NCAM2: variants seen among roughly 807,000 people sequenced by gnomAD.
NCAM2 encodes N-CAM-2.
In NCAM2, 30 loss-of-function variants were observed where a neutral mutation model predicts 98.1. The ratio of observed to expected loss-of-function variants is 0.31; its 90% confidence interval spans 0.23 to 0.41. NCAM2 has a LOEUF of 0.41. NCAM2 is among the 10% of genes least tolerant of loss of function. The pLI, the probability that NCAM2 is intolerant of heterozygous loss-of-function variation, is 1.00. For missense variants in NCAM2, 867 were observed against 1,005.8 expected (o/e 0.86, Z 1.87); for synonymous variants, 368 against 342.4 (o/e 1.07, Z -0.83).
intron 1 of NCAM2, among the ~76,000 whole-genome samples, chr21:21,150,426 A>G (rs1389691044): frequency 6.6e-6 from 1 of 152,080 alleles, no homozygotes; most frequent in Non-Finnish European, 1.5e-5. Flanking sequence ...TCCTGATTTC[A>G]GGGAGAAAAT....
rs1990088802 is a variant in NCAM2 at position 21,538,215 on chromosome 21, T to C, written c.*258T>C. 4.1e-6 allele frequency: 1 copy of C among 242,868 alleles called. No homozygotes were observed. Among genetic ancestry groups the C allele is most frequent in the South Asian group, 1.7e-4 (1 of 5,922 alleles). The allele number at this position is 242,868 out of a possible 1,614,324, so 15.0% of individuals were successfully genotyped here. A position where few individuals can be genotyped will look rare whatever the true frequency, so the allele number is the denominator to read the frequency against. ...TGGCACCAACACTTTGGTATTCAAT[T>C]TGATTCTATGACTGAAGTACTGGAA... On this transcript the variant is annotated 3_prime_UTR_variant, in exon 18 of 18. Coordinates refer to ENST00000400546, the MANE Select transcript of NCAM2 (RefSeq NM_004540.5).
At chr21:21,155,952 G>A (rs1290890033) in intron 1 of NCAM2, among the ~76,000 whole-genome samples, 1 of 151,946 alleles carries the variant, frequency 6.6e-6, no homozygotes, top group Non-Finnish European at 1.5e-5. Context: ...TTTGGCATGT[G>A]GAACCACTAT....
intron 1 of NCAM2, among the ~76,000 whole-genome samples, chr21:21,092,242 T>C (rs1337442061): frequency 6.6e-6 from 1 of 152,104 alleles, no homozygotes; most frequent in Non-Finnish European, 1.5e-5. Flanking sequence ...TTTTATGTGG[T>C]AGATACAAAA....
At chr21:21,060,442 A>G (rs1324396738) in intron 1 of NCAM2, among the ~76,000 whole-genome samples, 1 of 152,102 alleles carries the variant, frequency 6.6e-6, no homozygotes, top group Non-Finnish European at 1.5e-5. Flanking sequence ...TATTTATCCA[A>G]AGTCTGTGGA....
chr21:21,210,656 T>C, intron 1 of NCAM2: 1 of 1,280,980 alleles, frequency 7.8e-7, no homozygotes, highest in Non-Finnish European at 1.0e-6. Context: ...GCACTTTATC[T>C]TGAAGAAGGG....
At chr21:21,110,086 A>G (rs1695929397) in intron 1 of NCAM2, among the ~76,000 whole-genome samples, 1 of 152,216 alleles carries the variant, frequency 6.6e-6, no homozygotes, top group African/African-American at 2.4e-5. Context: ...ACAAAGAAGG[A>G]AACACTAAAA....
At chr21:21,331,509 C>CTATA (rs748594575) in intron 6 of NCAM2, among the ~76,000 whole-genome samples, 549 of 4,998 alleles carry the variant, frequency 0.11, 136 homozygotes, top group Non-Finnish European at 0.15. Context: ...ACTCTATACT[C>CTATA]TCTCTCTCTA....
chr21:21,085,632 C>T (rs181854797), intron 1 of NCAM2, among the ~76,000 whole-genome samples: 8 of 152,188 alleles, frequency 5.3e-5, no homozygotes, highest in South Asian at 4.2e-4. Flanking sequence ...GAACACTATG[C>T]GCCCTTTCTG....
intron 1 of NCAM2, among the ~76,000 whole-genome samples, chr21:21,022,639 A>G (rs968236153): frequency 2.0e-4 from 30 of 152,182 alleles, no homozygotes; most frequent in Non-Finnish European, 1.5e-5. Context: ...AACATAGGTT[A>G]CTATTTATTA....
At chr21:21,294,168 T>C (rs2073394187) in intron 5 of NCAM2, among the ~76,000 whole-genome samples, 1 of 151,708 alleles carries the variant, frequency 6.6e-6, no homozygotes, top group Admixed American at 6.6e-5. Flanking sequence ...TTCTTTAATA[T>C]ATTTATAGCA....
intron 6 of NCAM2, among the ~76,000 whole-genome samples, chr21:21,334,178 C>T (rs560403220): frequency 1.3e-5 from 2 of 152,200 alleles, no homozygotes; most frequent in Non-Finnish European, 1.5e-5. Context: ...AGTGATCCAC[C>T]GGCCTCTGCC....
intron 1 of NCAM2, among the ~76,000 whole-genome samples, chr21:21,117,670 T>C (rs753331391): frequency 6.6e-6 from 1 of 152,210 alleles, no homozygotes; most frequent in Non-Finnish European, 1.5e-5. Flanking sequence ...GATTCTACTC[T>C]TTCATTATTT....
chr21:21,085,080 C>T (rs763855206), intron 1 of NCAM2, among the ~76,000 whole-genome samples: 4 of 152,040 alleles, frequency 2.6e-5, no homozygotes. Context: ...TTATGAAAAC[C>T]TGAAATTGAA....
chr21:21,228,693 A>C (rs1282365413), intron 1 of NCAM2, among the ~76,000 whole-genome samples: 1 of 151,504 alleles, frequency 6.6e-6, no homozygotes, highest in Non-Finnish European at 1.5e-5. Flanking sequence ...ATGTAGACTA[A>C]AGATAAAACT....
At chr21:21,270,636 G>A (rs1012888509) in intron 1 of NCAM2, among the ~76,000 whole-genome samples, 8 of 152,150 alleles carry the variant, frequency 5.3e-5, no homozygotes, top group South Asian at 2.1e-4. Flanking sequence ...CATACAATGC[G>A]TTTTAGGAAA....
chr21:21,429,531 AT>A, intron 11 of NCAM2, among the ~76,000 whole-genome samples: 1 of 152,266 alleles, frequency 6.6e-6, no homozygotes, highest in South Asian at 2.1e-4. Context: ...AAGAATTGGC[AT>A]TTTTTAAGGG....
rs1402469834 is a variant in NCAM2 at position 21,396,016 on chromosome 21, C to CTTAA, written c.1196-14253_1196-14250dup. Among the ~76,000 whole-genome samples, 3 of 152,076 alleles carry CTTAA rather than the reference C, an allele frequency of 2.0e-5. No individual in the cohort carries two copies. The East Asian group carries it at 5.8e-4, about 29-fold the overall frequency. On this transcript the variant is annotated intron_variant, in intron 9 of 17. Coordinates refer to ENST00000400546, the MANE Select transcript of NCAM2 (RefSeq NM_004540.5). ...CAAAAACAAAGATAAATAGATGGGA[C>CTTAA]TTAATTAAGTTAAAAAATTTCTCTA...
chr21:21,036,533 CT>C (rs1372205943), intron 1 of NCAM2, among the ~76,000 whole-genome samples: 1 of 152,110 alleles, frequency 6.6e-6, no homozygotes, highest in Non-Finnish European at 1.5e-5. Context: ...TATTAATATG[CT>C]TATGGGCACA....
intron 1 of NCAM2, among the ~76,000 whole-genome samples, chr21:21,010,018 A>G (rs1173092116): frequency 6.6e-6 from 1 of 151,816 alleles, no homozygotes; most frequent in Non-Finnish European, 1.5e-5. Flanking sequence ...GAAAATCTTT[A>G]TCACCTATTT....
Sources: gnomAD v4.1 joint callset for allele counts (sites outside exome capture counted in the v4.1 genomes callset) on GRCh38, gnomAD v4.1.1 for gene constraint, MANE v1.5 for transcripts, NCBI Gene and HGNC (gene_info 2026-07-23, HGNC 2026-07-21) for gene names.